Variants in FIG4 observed in about 807,000 individuals in gnomAD.
FIG4 encodes the protein FIG4 phosphoinositide 5-phosphatase, also known as polyphosphoinositide phosphatase.
FIG4 carries 112 observed loss-of-function variants against 118.6 expected under a neutral mutation model. The observed-to-expected ratio is 0.94, with a 90% CI of 0.81 to 1.11. FIG4 has a LOEUF of 1.11. Ranked by LOEUF, FIG4 falls within the 50% of genes least tolerant of loss-of-function variation. The pLI is 0.00. For synonymous variants in FIG4, 369 were observed against 381.2 expected (o/e 0.97, Z 0.37); for missense variants, 969 against 1,111.7 (o/e 0.87, Z 1.83).
intron 22 of FIG4, among the ~76,000 whole-genome samples, chr6:109,810,449 A>G (rs1348886801): frequency 6.6e-6 from 1 of 152,110 alleles, no homozygotes; most frequent in Admixed American, 6.5e-5. Flanking sequence ...GGGCTAGAGC[A>G]TTAGTTCTGG....
chr6:109,815,054 A>C (rs1401343826), intron 22 of FIG4, among the ~76,000 whole-genome samples: 4 of 152,020 alleles, frequency 2.6e-5, no homozygotes, highest in Non-Finnish European at 5.9e-5. Flanking sequence ...AGCTAAATAT[A>C]TATTTAAATC....
In FIG4 at chr6:109,691,432, C is replaced by T. The variant is rs1272882213; in HGVS notation, c.-4C>T. On this transcript the variant is annotated 5_prime_UTR_variant, in exon 1 of 23. Coordinates refer to ENST00000230124, the MANE Select transcript of FIG4 (RefSeq NM_014845.6). ...CTGTTGTGGGGCCCCCATTTGCCGC[C>T]GCCATGCCCACGGCCGCCGCCCCCA... 2.5e-6 allele frequency: 4 copies of T among 1,575,684 alleles called. No individual in the cohort carries two copies. Among genetic ancestry groups the T allele is most frequent in the Non-Finnish European group, 8.6e-7 (1 of 1,160,502 alleles).
In FIG4 at chr6:109,743,777, G is replaced by T. The variant is rs746766125; in HGVS notation, c.1137+5G>T. 9 of 1,597,864 alleles carry T rather than the reference G, an allele frequency of 5.6e-6. No individual in the cohort carries two copies. The highest frequency in any genetic ancestry group is 7.7e-6 in the Non-Finnish European group (9 of 1,165,920). On this transcript the variant is annotated splice_donor_5th_base_variant and intron_variant, in intron 10 of 22. Transcript: ENST00000230124. ...ATCATCTTGAATTTAGTGAAGGTATGATGTGCTCATCTGTTTGGTTATGAG... is the reference window on the plus strand; with the variant it reads ...ATCATCTTGAATTTAGTGAAGGTATTATGTGCTCATCTGTTTGGTTATGAG...
intron 6 of FIG4, among the ~76,000 whole-genome samples, chr6:109,737,268 T>A (rs1776186057): frequency 1.3e-5 from 2 of 152,102 alleles, no homozygotes; most frequent in South Asian, 4.1e-4. Flanking sequence ...AACAATAAAT[T>A]TTTAAAATAA....
At chr6:109,749,466 G>T (rs1239239508) in intron 10 of FIG4, among the ~76,000 whole-genome samples, 3 of 151,880 alleles carry the variant, frequency 2.0e-5, no homozygotes, top group Non-Finnish European at 4.4e-5. Context: ...TAAATGTATA[G>T]AAAATAAGAT....
At chr6:109,790,337 T>C (rs578127773) in intron 19 of FIG4, among the ~76,000 whole-genome samples, 2 of 152,340 alleles carry the variant, frequency 1.3e-5, no homozygotes, top group Non-Finnish European at 2.9e-5. Context: ...ATGGGACATA[T>C]ATTGATATTT....
At chr6:109,693,808 A>G (rs1310844051) in intron 1 of FIG4, among the ~76,000 whole-genome samples, 1 of 152,054 alleles carries the variant, frequency 6.6e-6, no homozygotes, top group Non-Finnish European at 1.5e-5. Context: ...GGGCTGGGCA[A>G]CCACCCTTGA....
chr6:109,744,976 C>CT (rs1371923505), intron 10 of FIG4, among the ~76,000 whole-genome samples: 3 of 151,970 alleles, frequency 2.0e-5, no homozygotes, highest in African/African-American at 7.3e-5. Context: ...TGAACTCATC[C>CT]TTTTTTACGG....
At chr6:109,767,125 TTA>T (rs1777303377) in intron 15 of FIG4, among the ~76,000 whole-genome samples, 1 of 152,234 alleles carries the variant, frequency 6.6e-6, no homozygotes, top group Admixed American at 6.5e-5. Flanking sequence ...ATTAGAGTTT[TTA>T]TATAATGCAA....
chr6:109,803,008 T>A (rs953957384), intron 22 of FIG4, among the ~76,000 whole-genome samples: 1 of 152,178 alleles, frequency 6.6e-6, no homozygotes, highest in African/African-American at 2.4e-5. Context: ...AGAGCTTAGG[T>A]ACCCCCTTCA....
chr6:109,819,762 G>A (rs899815811), intron 22 of FIG4, among the ~76,000 whole-genome samples: 1 of 152,088 alleles, frequency 6.6e-6, no homozygotes, highest in African/African-American at 2.4e-5. Flanking sequence ...ACTCACCATG[G>A]CCATGTAATT....
intron 22 of FIG4, among the ~76,000 whole-genome samples, chr6:109,801,369 G>A (rs1778421915): frequency 1.3e-5 from 2 of 151,886 alleles, no homozygotes; most frequent in Non-Finnish European, 2.9e-5. Flanking sequence ...CCAGTATGGT[G>A]AAACCCCATC....
intron 18 of FIG4, among the ~76,000 whole-genome samples, chr6:109,787,890 C>T (rs183553095): frequency 8.8e-4 from 134 of 152,196 alleles, no homozygotes; most frequent in African/African-American, 3.1e-3. Flanking sequence ...AAGACAGAAA[C>T]GTAGTTAATA....
intron 10 of FIG4, among the ~76,000 whole-genome samples, chr6:109,748,112 C>CT (rs779843159): frequency 6.6e-6 from 1 of 152,024 alleles, no homozygotes; most frequent in Non-Finnish European, 1.5e-5. Context: ...AGGTTTAAGT[C>CT]TTTTGTACGT....
intron 19 of FIG4, among the ~76,000 whole-genome samples, chr6:109,790,694 T>C (rs1375959802): frequency 6.6e-6 from 1 of 152,168 alleles, no homozygotes; most frequent in Admixed American, 6.5e-5. Context: ...TAAACATTTT[T>C]CATAAAGCAA....
chr6:109,719,657 G>A (rs574737652), intron 3 of FIG4, among the ~76,000 whole-genome samples: 69 of 152,198 alleles, frequency 4.5e-4, no homozygotes, highest in Middle Eastern at 3.4e-3. Flanking sequence ...GCCTCCCAAA[G>A]TGTTAGGATT....
At chr6:109,772,901 T>TA (rs1562675606) in intron 15 of FIG4, among the ~76,000 whole-genome samples, 2 of 152,246 alleles carry the variant, frequency 1.3e-5, no homozygotes, top group African/African-American at 4.8e-5. Flanking sequence ...CTCACAAGAC[T>TA]AGAGTAAAAA....
intron 16 of FIG4, among the ~76,000 whole-genome samples, chr6:109,779,616 T>A (rs1777734638): frequency 6.6e-6 from 1 of 152,206 alleles, no homozygotes; most frequent in South Asian, 2.1e-4. Flanking sequence ...CTGAAAACTA[T>A]TTTTTGGTGT....
chr6:109,815,873 A>G (rs1778849480), intron 22 of FIG4, among the ~76,000 whole-genome samples: 1 of 151,630 alleles, frequency 6.6e-6, no homozygotes, highest in Non-Finnish European at 1.5e-5. Context: ...GGGGGGGGGC[A>G]CTCAGTTTTC....
Sources: allele counts gnomAD v4.1 joint callset (sites outside exome capture counted in the v4.1 genomes callset), GRCh38; gene constraint gnomAD v4.1.1; transcripts MANE v1.5; gene names NCBI Gene and HGNC (gene_info 2026-07-23, HGNC 2026-07-21).